EML1: variants seen among roughly 807,000 people sequenced by gnomAD.
The protein encoded by EML1 is echinoderm microtubule-associated protein-like 1.
EML1 carries 27 observed loss-of-function variants against 110.4 expected under a neutral mutation model. That is an observed-to-expected ratio of 0.24 (90% CI 0.18 to 0.34). The LOEUF is 0.34. Among genes scored for constraint, EML1 ranks in the 10% least tolerant of loss-of-function variants. The pLI, the probability that EML1 is intolerant of heterozygous loss-of-function variation, is 1.00. For missense variants in EML1, 741 were observed against 1,030.9 expected (o/e 0.72, Z 3.85); for synonymous variants, 344 against 385.8 (o/e 0.89, Z 1.27).
chr14:99,932,134 G>T (rs566948838), intron 17 of EML1, among the ~76,000 whole-genome samples: 2 of 152,166 alleles, frequency 1.3e-5, no homozygotes, highest in African/African-American at 4.8e-5. Context: ...CCATCTTTTC[G>T]TGCCTGTGCA....
At chr14:99,763,630 T>A (rs1464117193) in intron 1 of EML1, among the ~76,000 whole-genome samples, 2 of 152,162 alleles carry the variant, frequency 1.3e-5, no homozygotes, top group Non-Finnish European at 2.9e-5. Context: ...CTTAGACTCA[T>A]GCCCAATGAG....
intron 10 of EML1, among the ~76,000 whole-genome samples, chr14:99,908,969 T>C (rs937187896): frequency 6.6e-6 from 1 of 152,180 alleles, no homozygotes; most frequent in Non-Finnish European, 1.5e-5. Flanking sequence ...TGGGAACCCA[T>C]GACTAGCAGA....
intron 1 of EML1, among the ~76,000 whole-genome samples, chr14:99,802,301 T>A (rs564452258): frequency 4.7e-4 from 71 of 152,214 alleles, no homozygotes; most frequent in African/African-American, 1.7e-3. Context: ...TTGGTCTTCT[T>A]CCTAGGAGCA....
At position 99,822,199 on chromosome 14, in the gene EML1, T is replaced by C. The variant is rs529417904; in HGVS notation, c.68-28654T>C. On this transcript the variant is annotated intron_variant, in intron 1 of 21. Transcript: ENST00000262233. Reference sequence around the variant, plus strand: ...GGAGTCCTTAGTATCCTAGGACATATGTTTTTTTTTAGTTCCACCTTTTGA... The same window carrying C: ...GGAGTCCTTAGTATCCTAGGACATACGTTTTTTTTTAGTTCCACCTTTTGA... Among the ~76,000 whole-genome samples the C allele has an allele frequency of 4.7e-3, 717 of 152,204 alleles. 6 individuals carry two copies. Among genetic ancestry groups the C allele is most frequent in the African/African-American group, 0.016 (683 of 41,514 alleles).
chr14:99,834,619 A>G (rs2058510896), intron 1 of EML1, among the ~76,000 whole-genome samples: 1 of 151,624 alleles, frequency 6.6e-6, no homozygotes, highest in African/African-American at 2.4e-5. Flanking sequence ...TTCATGAGGG[A>G]TATTGGTCTG....
chr14:99,827,367 A>C lies in EML1; in HGVS notation c.68-23486A>C, dbSNP rs924444619. ...CCCTGGCAGCATAGCTGGTATGAGT[A>C]CTCGAAGTACCCCGGCAGAGTAGCG... On this transcript the variant is annotated intron_variant, in intron 1 of 21. Transcript: ENST00000262233. The surrounding 1 kb of genome is among the most constrained non-coding windows in gnomAD (Gnocchi z 4.4). Among the ~76,000 whole-genome samples, 2 of 151,782 alleles carry C rather than the reference A, an allele frequency of 1.3e-5. No individual in the cohort carries two copies. Among genetic ancestry groups the C allele is most frequent in the Admixed American group, 1.3e-4 (2 of 15,234 alleles).
At chr14:99,791,481 T>G (rs1198806964), upstream of EML1, among the ~76,000 whole-genome samples, 1 of 152,228 alleles carries the variant, frequency 6.6e-6, no homozygotes, top group Non-Finnish European at 1.5e-5. Context: ...ATTCTCTTCT[T>G]TAGAGACTTC....
Position 99,939,226 on chromosome 14 carries a change from G to A in EML1, c.2221G>A (p.Asp741Asn), listed in dbSNP as rs2060531834. The A allele has an allele frequency of 4.3e-6, 7 of 1,614,072 alleles. No homozygotes were observed. Among genetic ancestry groups the A allele is most frequent in the Non-Finnish European group, 5.1e-6 (6 of 1,180,028 alleles). The part of the protein sequence containing the change: ...GVWPEGSDGT[D>N]INAVCRAHEK... ...GTGGCCAGAAGGCTCGGACGGAACCGACATCAATGCCGTCTGTCGGGCCCA... is the reference window on the plus strand; with the variant it reads ...GTGGCCAGAAGGCTCGGACGGAACCAACATCAATGCCGTCTGTCGGGCCCA... Residue 741 changes from aspartate (D) to asparagine (N), a missense_variant, in exon 21 of 22, where the codon GAC (aspartate) becomes AAC (asparagine). Transcript: ENST00000262233. The surrounding 1 kb of genome is among the most constrained non-coding windows in gnomAD (Gnocchi z 4.2).
At chr14:99,828,882 C>T (rs968419296) in intron 1 of EML1, among the ~76,000 whole-genome samples, 4 of 152,118 alleles carry the variant, frequency 2.6e-5, no homozygotes, top group African/African-American at 7.2e-5. Context: ...GTCATCATAA[C>T]GGTCTTCATC....
intron 17 of EML1, among the ~76,000 whole-genome samples, chr14:99,923,656 T>C (rs118123614): frequency 0.034 from 1,807 of 53,774 alleles, 38 homozygotes; most frequent in African/African-American, 0.039. Context: ...CACCTGTGTT[T>C]ATCCCCGATT....
chr14:99,808,088 T>C (rs2058010619), intron 1 of EML1, among the ~76,000 whole-genome samples: 1 of 152,148 alleles, frequency 6.6e-6, no homozygotes, highest in African/African-American at 2.4e-5. Context: ...ACTTGGTCTT[T>C]CCTCTGCGTT....
chr14:99,756,209 C>T (rs1164938188), intron 1 of EML1, among the ~76,000 whole-genome samples: 3 of 152,228 alleles, frequency 2.0e-5, no homozygotes, highest in Non-Finnish European at 2.9e-5. Flanking sequence ...GCAGGTGGCA[C>T]ATCTGATGGC....
chr14:99,738,483 C>T (rs1221276414), intron 1 of EML1, among the ~76,000 whole-genome samples: 1 of 152,142 alleles, frequency 6.6e-6, no homozygotes, highest in East Asian at 1.9e-4. Flanking sequence ...TGGCTGGCTG[C>T]CCCCGGCTCC....
At chr14:99,826,414 T>A (rs1373471692) in intron 1 of EML1, among the ~76,000 whole-genome samples, 1 of 152,118 alleles carries the variant, frequency 6.6e-6, no homozygotes, top group Non-Finnish European at 1.5e-5. Flanking sequence ...TGCCCAGCCC[T>A]ATGCATTGAT....
intron 10 of EML1, among the ~76,000 whole-genome samples, chr14:99,908,759 CTG>C (rs1239039078): frequency 6.6e-6 from 1 of 152,216 alleles, no homozygotes; most frequent in African/African-American, 2.4e-5. Flanking sequence ...GGCCGGTTCA[CTG>C]AGCCACAGGC....
intron 1 of EML1, among the ~76,000 whole-genome samples, chr14:99,800,700 G>T (rs552509725): frequency 6.6e-6 from 1 of 152,260 alleles, no homozygotes; most frequent in African/African-American, 2.4e-5. Flanking sequence ...TTCCATTTTT[G>T]TTTACTCTAA....
chr14:99,819,489 C>T (rs2058225162), intron 1 of EML1, among the ~76,000 whole-genome samples: 1 of 152,188 alleles, frequency 6.6e-6, no homozygotes, highest in South Asian at 2.1e-4. Flanking sequence ...ACCCTTCTTT[C>T]TCTATACGAA....
At chr14:99,930,204 A>C (rs2060341850) in intron 17 of EML1, among the ~76,000 whole-genome samples, 1 of 152,266 alleles carries the variant, frequency 6.6e-6, no homozygotes, top group African/African-American at 2.4e-5. Context: ...GGGTTACCTC[A>C]TAAACTGGAC....
intron 1 of EML1, among the ~76,000 whole-genome samples, chr14:99,826,269 C>G (rs11626043): frequency 6.6e-6 from 1 of 151,856 alleles, no homozygotes; most frequent in African/African-American, 2.4e-5. Context: ...TGTGCCACCA[C>G]GCCCTGCTAA....
Sources: allele counts gnomAD v4.1 joint callset (sites outside exome capture counted in the v4.1 genomes callset), GRCh38; gene constraint gnomAD v4.1.1; non-coding constraint Gnocchi (gnomAD v3.1); transcripts MANE v1.5; gene names NCBI Gene and HGNC (gene_info 2026-07-23, HGNC 2026-07-21).